Variants in MALRD1 observed in about 807,000 individuals in gnomAD.
The protein encoded by MALRD1 is MAM and LDL-receptor class A domain-containing protein 1.
A neutral mutation model predicts 242.1 loss-of-function variants in MALRD1; 247 were observed. The observed-to-expected ratio is 1.02, with a 90% CI of 0.92 to 1.13. The LOEUF (loss-of-function observed/expected upper bound fraction) is 1.13. Ranked by LOEUF, MALRD1 falls within the 50% of genes most tolerant of loss-of-function variation. The pLI is 0.00. For synonymous variants in MALRD1, 995 were observed against 866.6 expected (o/e 1.15, Z -2.60); for missense variants, 2,989 against 2,533.1 (o/e 1.18, Z -3.86).
intron 24 of MALRD1, among the ~76,000 whole-genome samples, chr10:19,346,849 C>T (rs564327604): frequency 2.6e-5 from 4 of 151,720 alleles, no homozygotes; most frequent in South Asian, 2.1e-4. Flanking sequence ...GGGGTTTTAC[C>T]GTGTTGGCCA....
chr10:19,340,000 G>C (rs34133044), intron 24 of MALRD1, among the ~76,000 whole-genome samples: 18,828 of 151,970 alleles, frequency 0.12, 1,271 homozygotes, highest in Non-Finnish European at 0.14. Context: ...TAAACCATCA[G>C]ATCTCCTGAG....
At chr10:19,095,310 C>T (rs1172384825) in intron 4 of MALRD1, among the ~76,000 whole-genome samples, 1 of 152,060 alleles carries the variant, frequency 6.6e-6, no homozygotes, top group Non-Finnish European at 1.5e-5. Flanking sequence ...TTTCAGGCTT[C>T]AATAAACTTA....
chr10:19,492,706 A>G lies in MALRD1; in HGVS notation c.5158+1061A>G, dbSNP rs555458874. On this transcript the variant is annotated intron_variant, in intron 30 of 39. Coordinates refer to ENST00000454679, the MANE Select transcript of MALRD1 (RefSeq NM_001142308.3). ...ACTTTGATTTAGCCTCAGATGTTGC[A>G]TAATACCATACCTGATTCCTGCTAA... Among the ~76,000 whole-genome samples, 21 of 152,336 alleles carry G rather than the reference A, an allele frequency of 1.4e-4. No homozygotes were observed. In the South Asian group the frequency reaches 3.9e-3, roughly 29 times the overall value.
intron 28 of MALRD1, among the ~76,000 whole-genome samples, chr10:19,405,768 A>G (rs988693299): frequency 3.3e-5 from 5 of 152,192 alleles, no homozygotes; most frequent in Non-Finnish European, 7.3e-5. Context: ...TAAAGGAGCC[A>G]CATGTTCTAT....
intron 18 of MALRD1, among the ~76,000 whole-genome samples, chr10:19,250,311 C>T (rs1056740769): frequency 6.6e-6 from 1 of 151,850 alleles, no homozygotes; most frequent in Admixed American, 6.6e-5. Context: ...AAATATCAAC[C>T]AGACTTTTTT....
intron 26 of MALRD1, among the ~76,000 whole-genome samples, chr10:19,365,198 T>A (rs1845054007): frequency 1.3e-5 from 2 of 152,122 alleles, no homozygotes; most frequent in African/African-American, 2.4e-5. Context: ...AGATCTAGTT[T>A]TCCTACTCAT....
At chr10:19,351,776 A>T (rs963797814) in intron 25 of MALRD1, among the ~76,000 whole-genome samples, 2 of 152,126 alleles carry the variant, frequency 1.3e-5, no homozygotes, top group South Asian at 4.2e-4. Context: ...ATTCCTACTA[A>T]ATTTCTATTT....
chr10:19,351,394 T>G (rs1435900760), intron 25 of MALRD1, among the ~76,000 whole-genome samples: 3 of 152,152 alleles, frequency 2.0e-5, no homozygotes, highest in Non-Finnish European at 2.9e-5. Flanking sequence ...TTTATTAATT[T>G]TTACTCAAAG....
chr10:19,352,039 A>G lies in MALRD1; in HGVS notation c.4183A>G (p.Ile1395Val). 3 of 1,550,118 alleles carry G rather than the reference A, an allele frequency of 1.9e-6. No homozygotes were observed. The highest frequency in any genetic ancestry group is 2.6e-6 in the Non-Finnish European group (3 of 1,146,636). The stretch of plus-strand genomic sequence containing the variant: ...TCATTATCACATGTATGGAAATGGC[A>G]TTGGGGCACTCACCTTAATGCAGGT... ...IFHYHMYGNG[I>V]GALTLMQVSV... Residue 1395 changes from isoleucine (I) to valine (V), a missense_variant, in exon 26 of 40, where the codon ATT (isoleucine) becomes GTT (valine). Physicochemically the swap from Ile to Val is conservative, Grantham distance 29. Coordinates refer to ENST00000454679, the MANE Select transcript of MALRD1 (RefSeq NM_001142308.3).
intron 32 of MALRD1, among the ~76,000 whole-genome samples, chr10:19,531,582 T>C (rs1443915299): frequency 6.6e-6 from 1 of 152,184 alleles, no homozygotes; most frequent in African/African-American, 2.4e-5. Flanking sequence ...AATTATGTTG[T>C]ATGGTATTTA....
At chr10:19,477,011 G>A (rs1322119624) in intron 29 of MALRD1, among the ~76,000 whole-genome samples, 1 of 152,032 alleles carries the variant, frequency 6.6e-6, no homozygotes. Context: ...TAGGATCAAT[G>A]GTAGTAAACT....
At chr10:19,327,715 ATT>A in intron 23 of MALRD1, 42 bp downstream of exon 23, 1 of 1,416,528 alleles carries the variant, frequency 7.1e-7, no homozygotes, top group Non-Finnish European at 9.7e-7. Flanking sequence ...AGTTCTGCTG[ATT>A]TTTTTCATCC....
At chr10:19,607,134 T>G (rs1165625748) in intron 34 of MALRD1, among the ~76,000 whole-genome samples, 4 of 152,310 alleles carry the variant, frequency 2.6e-5, no homozygotes, top group Admixed American at 6.5e-5. Flanking sequence ...TTGAAATGTT[T>G]GCCTATTGAA....
At chr10:19,105,855 A>T (rs560786816) in intron 5 of MALRD1, among the ~76,000 whole-genome samples, 1 of 151,996 alleles carries the variant, frequency 6.6e-6, no homozygotes, top group East Asian at 1.9e-4. Flanking sequence ...TTTTGTGTCC[A>T]CTTTCAAATT....
intron 19 of MALRD1, among the ~76,000 whole-genome samples, chr10:19,263,820 T>C (rs1839859188): frequency 6.6e-6 from 1 of 152,214 alleles, no homozygotes; most frequent in Admixed American, 6.5e-5. Context: ...AGTACCATGA[T>C]GTTGTGATTA....
At position 19,318,516 on chromosome 10, in the gene MALRD1, GT is replaced by G. The variant is rs573909164; in HGVS notation, c.3420-5421del. On this transcript the variant is annotated intron_variant, in intron 21 of 39. Coordinates refer to ENST00000454679, the MANE Select transcript of MALRD1 (RefSeq NM_001142308.3). ...GAAATTATACCTTGGTTACCTTAGG[GT>G]TTTTTTTTTTTATTATTTGTGTAGT... 3.7e-3 allele frequency among the ~76,000 whole-genome samples: 529 copies of G among 143,184 alleles called. 2 individuals are homozygous for G. The highest frequency in any genetic ancestry group is 8.1e-3 in the East Asian group (40 of 4,962). The allele number at this position is 143,184 out of a possible 152,430, so 93.9% of individuals were successfully genotyped here.
chr10:19,281,836 T>C (rs537886054), intron 20 of MALRD1, among the ~76,000 whole-genome samples: 14 of 152,034 alleles, frequency 9.2e-5, no homozygotes, highest in Admixed American at 7.2e-4. Flanking sequence ...TAGCTGGGTG[T>C]GGTGGCGTGT....
At chr10:19,477,777 G>A (rs1310937074) in intron 29 of MALRD1, among the ~76,000 whole-genome samples, 1 of 152,104 alleles carries the variant, frequency 6.6e-6, no homozygotes, top group African/African-American at 2.4e-5. Flanking sequence ...GAGATTGGTC[G>A]GACCAGGTGT....
In MALRD1 at chr10:19,327,595, A is replaced by G. The variant is rs925050648; in HGVS notation, c.3609A>G (p.Lys1203=). Residue 1203 remains lysine (K), a synonymous_variant, in exon 23 of 40, where the codon AAA becomes AAG. Transcript: ENST00000454679. ...TCAAGAAAGATAACGTTACTTCTAA[A>G]TTGTGGGCTCAAACTGGACAGCAAG... ...VLIKKDNVTS[K]LWAQTGQQGA... 6.5e-7 allele frequency: 1 copy of G among 1,549,926 alleles called. No homozygotes were observed. Among genetic ancestry groups the G allele is most frequent in the Non-Finnish European group, 8.7e-7 (1 of 1,146,360 alleles).
Sources: gnomAD v4.1 joint callset for allele counts (sites outside exome capture counted in the v4.1 genomes callset) on GRCh38, gnomAD v4.1.1 for gene constraint, MANE v1.5 for transcripts, NCBI Gene and HGNC (gene_info 2026-07-23, HGNC 2026-07-21) for gene names.